The following BRCA1 variants were observed in gnomAD, a reference collection of about 807,000 sequenced individuals.
BRCA1 encodes BRCA1 DNA repair associated.
In BRCA1, 140 loss-of-function variants were observed where a neutral mutation model predicts 173.7. That is an observed-to-expected ratio of 0.81 (90% confidence interval 0.70 to 0.93). The LOEUF (loss-of-function observed/expected upper bound fraction) is 0.93. BRCA1 is among the 40% of genes least tolerant of loss of function. BRCA1 has a pLI of 0.00. For synonymous variants in BRCA1, 662 were observed against 756.0 expected (o/e 0.88, Z 2.04); for missense variants, 1,983 against 2,172.5 (o/e 0.91, Z 1.73).
chr17:43,095,986 G>T, intron 8 of BRCA1, 64 bp from the exon 9 acceptor site: 1 of 1,338,332 alleles, frequency 7.5e-7, no homozygotes, highest in South Asian at 1.2e-5. Flanking sequence ...ACTGTCAAAT[G>T]ACCAAGATCA....
In BRCA1 at chr17:43,093,403, T is replaced by C. The variant is rs876659959; in HGVS notation, c.2128A>G (p.Thr710Ala). ...LKLTNAPGSFTKCSNTSELKE... is the reference protein window; with the variant it reads ...LKLTNAPGSFAKCSNTSELKE... ...AGTTCACTGGTATTTGAACACTTAG[T>C]AAAAGAACCAGGTGCATTTGTTAAC... Residue 710 changes from threonine to alanine, a missense_variant, in exon 10 of 23, where the codon ACT becomes GCT. Transcript: ENST00000357654. 6.2e-7 allele frequency: 1 copy of C among 1,614,092 alleles called. No homozygotes were observed. The highest frequency in any genetic ancestry group is 8.5e-7 in the Non-Finnish European group (1 of 1,180,000).
intron 11 of BRCA1, chr17:43,082,826 G>A (rs2053082805): frequency 1.9e-6 from 1 of 516,926 alleles, no homozygotes; most frequent in East Asian, 3.3e-5. Flanking sequence ...TTATTGTGAT[G>A]TCCTTTTGAA....
intron 19 of BRCA1, among the ~76,000 whole-genome samples, chr17:43,052,315 C>T (rs1006014253): frequency 6.6e-6 from 1 of 152,004 alleles, no homozygotes; most frequent in Non-Finnish European, 1.5e-5. Context: ...AGGTCTCATT[C>T]TGTCACTCAG....
chr17:43,069,362 T>C lies in BRCA1; in HGVS notation c.4986+1566A>G, dbSNP rs781673566. Among the ~76,000 whole-genome samples the C allele has an allele frequency of 5.1e-4, 78 of 152,220 alleles. No homozygotes were observed. The highest frequency in any genetic ancestry group is 9.4e-4 in the Non-Finnish European group (64 of 68,034). ...TAAATTTACCACACTTCACCAAGTC[T>C]GAATAGAGCTCAAAGTTTTCCTCTT... On this transcript the variant is annotated intron_variant, in intron 15 of 22. Transcript: ENST00000357654.
chr17:43,113,033 C>T (rs1280426131), intron 3 of BRCA1, among the ~76,000 whole-genome samples: 2 of 152,130 alleles, frequency 1.3e-5, no homozygotes, highest in Non-Finnish European at 2.9e-5. Context: ...GAGCTCCTGA[C>T]CTCAGGTGAT....
intron 18 of BRCA1, among the ~76,000 whole-genome samples, chr17:43,061,911 T>G (rs573904407): frequency 2.6e-5 from 4 of 152,276 alleles, no homozygotes; most frequent in African/African-American, 9.6e-5. Flanking sequence ...CATTTCATTT[T>G]GCCTGATCTG....
intron 1 of BRCA1, among the ~76,000 whole-genome samples, chr17:43,146,725 G>A (rs747409026): frequency 3.9e-5 from 6 of 152,096 alleles, no homozygotes; most frequent in Non-Finnish European, 8.8e-5. Flanking sequence ...TTTACAGGAG[G>A]CCTGAGGTGG....
intron 2 of BRCA1, among the ~76,000 whole-genome samples, chr17:43,121,004 A>G (rs1434074539): frequency 2.0e-5 from 3 of 150,096 alleles, no homozygotes; most frequent in Non-Finnish European, 3.0e-5. Flanking sequence ...TGGCAGGCGG[A>G]GGTTGCAGTG....
At chr17:43,159,023 G>A (rs1308490912) in intron 1 of BRCA1, among the ~76,000 whole-genome samples, 2 of 152,152 alleles carry the variant, frequency 1.3e-5, no homozygotes, top group Non-Finnish European at 2.9e-5. Flanking sequence ...ATCACTTGAG[G>A]TCAGGAGTTT....
At chr17:43,119,741 T>G (rs1420119313) in intron 2 of BRCA1, among the ~76,000 whole-genome samples, 1 of 152,190 alleles carries the variant, frequency 6.6e-6, no homozygotes, top group Non-Finnish European at 1.5e-5. Context: ...TTCAAAGAAA[T>G]TCTCCGTAAA....
At chr17:43,078,548 T>C (rs1439425010) in intron 12 of BRCA1, among the ~76,000 whole-genome samples, 1 of 152,258 alleles carries the variant, frequency 6.6e-6, no homozygotes, top group Non-Finnish European at 1.5e-5. Context: ...AAGTCACTGA[T>C]GACTGTAATT....
intron 14 of BRCA1, 61 bp from the exon 15 acceptor site, chr17:43,071,299 GTC>G: frequency 6.4e-7 from 1 of 1,571,328 alleles, no homozygotes; most frequent in East Asian, 2.2e-5. Flanking sequence ...CAAAGTTCTG[GTC>G]TCTGTTAAGA....
At chr17:43,047,251 CACCACACCCAGCT>C (rs1279107896) in intron 22 of BRCA1, among the ~76,000 whole-genome samples, 1 of 152,066 alleles carries the variant, frequency 6.6e-6, no homozygotes, top group African/African-American at 2.4e-5. Context: ...AGGCATCTGC[CACCACACCCAGCT>C]ACTTTTTAAA....
Position 43,066,788 on chromosome 17 carries a change from A to G in BRCA1, c.5074+820T>C, listed in dbSNP as rs8176236. On this transcript the variant is annotated intron_variant, in intron 16 of 22. Coordinates refer to ENST00000357654, the MANE Select transcript of BRCA1 (RefSeq NM_007294.4). ...GGTAGATAGGAGTTAATAGTTGACT[A>G]TCTCAGCTCACCACCCTCCAAACCT... 0.1 allele frequency among the ~76,000 whole-genome samples: 14,934 copies of G among 143,716 alleles called. 2,396 individuals are homozygous for G. The highest frequency in any genetic ancestry group is 0.35 in the African/African-American group (13,477 of 38,616). 94.3% of individuals were successfully genotyped at this position (143,716 alleles called of 152,430 possible). A position where few individuals can be genotyped will look rare whatever the true frequency, so the allele number is the denominator to read the frequency against.
rs869312511 is a variant in BRCA1, at chr17:43,081,594, A to C, written c.4357+810T>G. Reference sequence around the variant, plus strand: ...CCACCCCTGCATGTTTCTAAGCAGCATCCTAGTGGGGACCCCATGCCTAGC... The same window carrying C: ...CCACCCCTGCATGTTTCTAAGCAGCCTCCTAGTGGGGACCCCATGCCTAGC... On this transcript the variant is annotated intron_variant, in intron 12 of 22. Transcript: ENST00000357654. Among the ~76,000 whole-genome samples, 6 of 152,202 alleles carry C rather than the reference A, an allele frequency of 3.9e-5. No homozygotes were observed. The highest frequency in any genetic ancestry group is 3.8e-4 in the East Asian group (2 of 5,202).
In BRCA1 at chr17:43,094,032, T is replaced by C. The variant is rs1555591677; in HGVS notation, c.1499A>G (p.Asn500Ser). ...AGGTCTCCTTTTACGCTTTAATTTA[T>C]TTGTGAGGGGACGCTCTTGTATTAT... ...PQIIQERPLTNKLKRKRRPTS... is the reference protein window; with the variant it reads ...PQIIQERPLTSKLKRKRRPTS... Residue 500 changes from asparagine to serine, a missense_variant, in exon 10 of 23, where the codon AAT (asparagine) becomes AGT (serine). Physicochemically the swap from Asn to Ser is conservative, Grantham distance 46 (BLOSUM62 1). Transcript: ENST00000357654. The C allele has an allele frequency of 1.2e-6, 2 of 1,614,078 alleles. No homozygotes were observed. The highest frequency in any genetic ancestry group is 1.7e-6 in the Non-Finnish European group (2 of 1,179,992).
At chr17:43,090,248 C>T (rs2053396151) in intron 11 of BRCA1, among the ~76,000 whole-genome samples, 1 of 152,208 alleles carries the variant, frequency 6.6e-6, no homozygotes, top group South Asian at 2.1e-4. Context: ...CTCTGACCTG[C>T]AGTAGGCATA....
intron 19 of BRCA1, 115 bp from the exon 20 acceptor site, chr17:43,051,232 T>A: frequency 1.0e-6 from 1 of 997,384 alleles, no homozygotes; most frequent in East Asian, 2.5e-5. Flanking sequence ...AGAGCTTTTC[T>A]TTTTCTTCTG....
At chr17:43,139,917 T>G in intron 1 of BRCA1, 1 of 485,556 alleles carries the variant, frequency 2.1e-6, no homozygotes, top group Non-Finnish European at 4.3e-6. Flanking sequence ...CGTTTGGTCC[T>G]TCACCTTGGT....
Sources: allele counts gnomAD v4.1 joint callset (sites outside exome capture counted in the v4.1 genomes callset), GRCh38; gene constraint gnomAD v4.1.1; transcripts MANE v1.5; gene names NCBI Gene and HGNC (gene_info 2026-07-23, HGNC 2026-07-21).